FAIM: variants seen among roughly 807,000 people sequenced by gnomAD.
The protein encoded by FAIM is Fas apoptotic inhibitory molecule, also known as fas apoptotic inhibitory molecule 1.
A neutral mutation model predicts 21.2 loss-of-function variants in FAIM; 14 were observed. The ratio of observed to expected loss-of-function variants is 0.66; its 90% confidence interval spans 0.44 to 1.03. The LOEUF is 1.03. FAIM is among the 50% of genes least tolerant of loss of function. The pLI is 0.00. For missense variants in FAIM, 222 were observed against 247.1 expected (o/e 0.90, Z 0.68); for synonymous variants, 86 against 80.4 (o/e 1.07, Z -0.37).
At chr3:138,628,695 G>C (rs951091097) in intron 4 of FAIM, among the ~76,000 whole-genome samples, 2 of 152,010 alleles carry the variant, frequency 1.3e-5, no homozygotes, top group Non-Finnish European at 2.9e-5. Flanking sequence ...GTATTAGCCA[G>C]GATGGTCTCG....
chr3:138,626,987 C>G (rs761989749), intron 4 of FAIM, among the ~76,000 whole-genome samples: 8 of 152,014 alleles, frequency 5.3e-5, no homozygotes, highest in Non-Finnish European at 7.4e-5. Context: ...TCTCATGATG[C>G]CTGTTCATGC....
chr3:138,632,807 A>G, intron 5 of FAIM, 123 bp from the exon 6 acceptor site: 3 of 983,276 alleles, frequency 3.1e-6, no homozygotes, highest in Non-Finnish European at 4.3e-6. Flanking sequence ...TTTGTTTTTC[A>G]AAGCTTATTG....
chr3:138,620,924 T>C (rs1423637491), intron 2 of FAIM, among the ~76,000 whole-genome samples: 2 of 152,216 alleles, frequency 1.3e-5, no homozygotes, highest in Non-Finnish European at 2.9e-5. Flanking sequence ...TATAATAAAT[T>C]AGAACCTTTT....
At chr3:138,613,349 T>C (rs1243630801) in intron 1 of FAIM, among the ~76,000 whole-genome samples, 3 of 152,076 alleles carry the variant, frequency 2.0e-5, no homozygotes, top group African/African-American at 7.2e-5. Flanking sequence ...GGGTTGTCTT[T>C]TGTGTTTATG....
intron 2 of FAIM, among the ~76,000 whole-genome samples, chr3:138,620,644 C>T (rs1427045066): frequency 2.6e-5 from 4 of 152,016 alleles, no homozygotes; most frequent in Non-Finnish European, 1.5e-5. Context: ...TCCAGGCATG[C>T]GCCATCACGT....
intron 4 of FAIM, among the ~76,000 whole-genome samples, chr3:138,623,147 G>A (rs1447940395): frequency 6.6e-6 from 1 of 151,840 alleles, no homozygotes; most frequent in African/African-American, 2.4e-5. Flanking sequence ...CAGTAAGAAA[G>A]CAATATTTTC....
chr3:138,610,134 T>G (rs1475659136), intron 1 of FAIM, among the ~76,000 whole-genome samples: 3 of 152,180 alleles, frequency 2.0e-5, no homozygotes, highest in Non-Finnish European at 4.4e-5. Flanking sequence ...AGCATCTTAG[T>G]AACTACTATC....
intron 1 of FAIM, among the ~76,000 whole-genome samples, chr3:138,613,447 C>T (rs1301869533): frequency 1.3e-5 from 2 of 152,132 alleles, no homozygotes; most frequent in African/African-American, 2.4e-5. Flanking sequence ...TGTCCTTTCA[C>T]TTTCTAGATA....
chr3:138,631,440 T>C (rs1412284570), intron 5 of FAIM, among the ~76,000 whole-genome samples: 1 of 152,164 alleles, frequency 6.6e-6, no homozygotes, highest in African/African-American at 2.4e-5. Context: ...AATGTTGTTG[T>C]GGTTGTAAAA....
rs1286573079 is a variant in FAIM at position 138,609,533 on chromosome 3, ACTCTCTCT to A, written c.-17+632_-17+639del. Among the ~76,000 whole-genome samples, 6 of 3,366 alleles carry A rather than the reference ACTCTCTCT, an allele frequency of 1.8e-3. 1 individual carries two copies. The highest frequency in any genetic ancestry group is 3.1e-3 in the Non-Finnish European group (5 of 1,612). 2.2% of individuals were successfully genotyped at this position (3,366 alleles called of 152,430 possible). A position where few individuals can be genotyped will look rare whatever the true frequency, so the allele number is the denominator to read the frequency against. ...AGAACCTGCATCATAAAGTGCTGAA[ACTCTCTCT>A]CTCTCTCTCTCTCTCTCTCTCTCTC... On this transcript the variant is annotated intron_variant, in intron 1 of 5. Transcript: ENST00000360570.
Position 138,633,166 on chromosome 3 carries a change from T to C in FAIM, c.*87T>C. ...TTCAGTATGTACTTATCAGTACATT[T>C]AGTCTGCAATGTTTTAATTTTTTAA... is the stretch of plus-strand genomic sequence containing the variant. On this transcript the variant is annotated 3_prime_UTR_variant, in exon 6 of 6. Coordinates refer to ENST00000360570, the MANE Select transcript of FAIM (RefSeq NM_001033031.2). 1 of 1,115,394 alleles carries C rather than the reference T, an allele frequency of 9.0e-7. No homozygotes were observed. The highest frequency in any genetic ancestry group is 1.6e-5 in the African/African-American group (1 of 62,904). 69.1% of individuals were successfully genotyped at this position (1,115,394 alleles called of 1,614,324 possible). A position where few individuals can be genotyped will look rare whatever the true frequency, so the allele number is the denominator to read the frequency against.
chr3:138,632,830 A>G (rs1053815742), intron 5 of FAIM, 100 bp from the exon 6 acceptor site: 6 of 1,154,150 alleles, frequency 5.2e-6, no homozygotes, highest in Admixed American at 2.7e-5. Flanking sequence ...TAACTAATAC[A>G]TTATTTTATT....
At chr3:138,617,729 A>G (rs144280220) in intron 1 of FAIM, among the ~76,000 whole-genome samples, 1,580 of 144,752 alleles carry the variant, frequency 0.011, 30 homozygotes, top group African/African-American at 0.038. Context: ...TACATTGTGT[A>G]TATACGTGTG....
chr3:138,622,266 A>G lies in FAIM; in HGVS notation c.256A>G (p.Thr86Ala). Residue 86 changes from threonine to alanine, a missense_variant, in exon 4 of 6, where the codon ACC becomes GCC. Physicochemically the swap from Thr to Ala is moderately conservative, Grantham distance 58. Transcript: ENST00000360570. ...FYVGAAKTKA[T>A]INIDAISGFA... ...TGTTGGAGCTGCAAAGACAAAAGCG[A>G]CCATAAATATAGACGCTATCAGTGG... 1 of 1,613,820 alleles carries G rather than the reference A, an allele frequency of 6.2e-7. No homozygotes were observed. The highest frequency in any genetic ancestry group is 8.5e-7 in the Non-Finnish European group (1 of 1,179,942).
In FAIM at chr3:138,624,446, C is replaced by T. The variant is rs1477281308; in HGVS notation, c.406+2030C>T. Among the ~76,000 whole-genome samples, 5 of 152,262 alleles carry T rather than the reference C, an allele frequency of 3.3e-5. No homozygotes were observed. In the East Asian group the frequency reaches 9.6e-4, roughly 29 times the overall value. ...TAAAAAATATATTTTTCTGCTTTTA[C>T]TCCTTGTCTGCCTTTACTCTTCTTT... On this transcript the variant is annotated intron_variant, in intron 4 of 5. Transcript: ENST00000360570.
chr3:138,612,323 G>A (rs2042779070), intron 1 of FAIM, among the ~76,000 whole-genome samples: 1 of 151,918 alleles, frequency 6.6e-6, no homozygotes, highest in Non-Finnish European at 1.5e-5. Context: ...GGATGGTCTC[G>A]AACTCCTGAC....
intron 1 of FAIM, among the ~76,000 whole-genome samples, chr3:138,613,319 C>T (rs2108334766): frequency 6.6e-6 from 1 of 152,146 alleles, no homozygotes; most frequent in Middle Eastern, 3.4e-3. Context: ...TGCGCCCGGC[C>T]CCTTTCCCAT....
rs746049347 is a variant in FAIM, at chr3:138,619,725, C to G, written c.-2C>G. On this transcript the variant is annotated 5_prime_UTR_variant, in exon 2 of 6. Coordinates refer to ENST00000360570, the MANE Select transcript of FAIM (RefSeq NM_001033031.2). ...TTGGATTAAAGACTGTTTTTGCCAA[C>G]CATGGCATCTGGAGATGACAGTCCT... 6.2e-7 allele frequency: 1 copy of G among 1,613,036 alleles called. No individual in the cohort carries two copies. The highest frequency in any genetic ancestry group is 8.5e-7 in the Non-Finnish European group (1 of 1,179,626).
At chr3:138,609,578 A>ATCC (rs2042739659) in intron 1 of FAIM, among the ~76,000 whole-genome samples, 9 of 4,696 alleles carry the variant, frequency 1.9e-3, no homozygotes, top group Admixed American at 6.9e-3. Flanking sequence ...CTCTCTCTCG[A>ATCC]CTCTCTCTCT....
Sources: allele counts gnomAD v4.1 joint callset (sites outside exome capture counted in the v4.1 genomes callset), GRCh38; gene constraint gnomAD v4.1.1; transcripts MANE v1.5; gene names NCBI Gene and HGNC (gene_info 2026-07-23, HGNC 2026-07-21).